Variants in GRM8 observed in about 807,000 individuals in gnomAD.
GRM8 encodes the protein metabotropic glutamate receptor 8.
In GRM8, 47 loss-of-function variants were observed where a neutral mutation model predicts 87.2. The observed-to-expected ratio is 0.54, with a 90% CI of 0.43 to 0.69. The LOEUF (loss-of-function observed/expected upper bound fraction) is 0.69, where lower values mean the gene tolerates loss of function less well. Among genes scored for constraint, GRM8 ranks in the 30% least tolerant of loss-of-function variants. The pLI, the probability that GRM8 is intolerant of heterozygous loss-of-function variation, is 0.00. For missense variants in GRM8, 1,019 were observed against 1,139.2 expected (o/e 0.89, Z 1.52); for synonymous variants, 396 against 404.5 (o/e 0.98, Z 0.25).
chr7:127,238,844 A>G (rs1798132286), intron 2 of GRM8, among the ~76,000 whole-genome samples: 1 of 152,226 alleles, frequency 6.6e-6, no homozygotes, highest in South Asian at 2.1e-4. Flanking sequence ...GTGGCTATCC[A>G]CTAAGTGCAG....
At chr7:126,515,474 A>G (rs932310606) in intron 9 of GRM8, among the ~76,000 whole-genome samples, 1 of 152,142 alleles carries the variant, frequency 6.6e-6, no homozygotes, top group African/African-American at 2.4e-5. Context: ...TATTGCTGTT[A>G]TAACAAAATT....
In GRM8 at chr7:126,533,575, C is replaced by G. The variant is rs966759053; in HGVS notation, c.1807G>C (p.Val603Leu). The G allele has an allele frequency of 1.2e-6, 2 of 1,613,938 alleles. No individual in the cohort carries two copies. The highest frequency in any genetic ancestry group is 2.7e-5 in the African/African-American group (2 of 74,908). The change falls in exon 9 of 11, where the codon GTG becomes CTG. Residue 603 changes from valine (V) to leucine (L), a missense_variant. Physicochemically the swap from Val to Leu is conservative, Grantham distance 32 (BLOSUM62 1). Coordinates refer to ENST00000339582, the MANE Select transcript of GRM8 (RefSeq NM_000845.3). ...GTGTCATTATAGCGGACAAAGGTCA[C>G]GATCACAAAGGTGGTGGCGATGATT... is the stretch of plus-strand genomic sequence containing the variant. ...LGIIATTFVIVTFVRYNDTPI... is the reference protein window; with the variant it reads ...LGIIATTFVILTFVRYNDTPI...
chr7:127,124,392 G>A (rs1287062428), intron 2 of GRM8, among the ~76,000 whole-genome samples: 3 of 151,952 alleles, frequency 2.0e-5, no homozygotes, highest in Admixed American at 1.3e-4. Flanking sequence ...ATTTTCCTTG[G>A]CTTCTACAAC....
intron 2 of GRM8, among the ~76,000 whole-genome samples, chr7:127,160,065 T>A (rs143792688): frequency 6.6e-6 from 1 of 152,232 alleles, no homozygotes; most frequent in East Asian, 1.9e-4. Context: ...ATAAGAAAAC[T>A]AGAAAATGGT....
chr7:126,525,162 G>A (rs905269609), intron 9 of GRM8, among the ~76,000 whole-genome samples: 1 of 152,124 alleles, frequency 6.6e-6, no homozygotes, highest in African/African-American at 2.4e-5. Context: ...ATGAACTTGT[G>A]AGTTTAGTGA....
At chr7:126,537,066 T>C (rs762914738) in intron 8 of GRM8, among the ~76,000 whole-genome samples, 15 of 152,178 alleles carry the variant, frequency 9.9e-5, no homozygotes, top group Admixed American at 3.3e-4. Context: ...TGTGAAATTT[T>C]CCTTGACAAT....
At chr7:126,961,035 C>A (rs114309181) in intron 3 of GRM8, among the ~76,000 whole-genome samples, 28 of 152,270 alleles carry the variant, frequency 1.8e-4, no homozygotes, top group African/African-American at 5.8e-4. Flanking sequence ...TCAAACAATT[C>A]TCCTTCTTCA....
At chr7:126,516,535 C>T (rs971835279) in intron 9 of GRM8, among the ~76,000 whole-genome samples, 4 of 152,014 alleles carry the variant, frequency 2.6e-5, no homozygotes, top group Non-Finnish European at 5.9e-5. Context: ...CAGAAAGAAG[C>T]ATGCTGCTAT....
chr7:126,793,520 T>C (rs1821597848), intron 6 of GRM8, among the ~76,000 whole-genome samples: 1 of 152,204 alleles, frequency 6.6e-6, no homozygotes, highest in Non-Finnish European at 1.5e-5. Context: ...TGTGAAGTCA[T>C]TGTGAAAACT....
chr7:127,049,376 C>A (rs1440741270), intron 3 of GRM8, among the ~76,000 whole-genome samples: 1 of 152,150 alleles, frequency 6.6e-6, no homozygotes, highest in East Asian at 1.9e-4. Context: ...CAAATTTGAT[C>A]TCCAGTTTAT....
chr7:127,058,201 A>C lies in GRM8; in HGVS notation c.727+48295T>G, dbSNP rs764401727. ...GGCATAATATCATCAAATTAAATTC[A>C]TCAGCACTCCCCACAGCCTGGCCCC... On this transcript the variant is annotated intron_variant, in intron 3 of 10. Transcript: ENST00000339582. The C allele has an allele frequency of 6.0e-6, 3 of 500,494 alleles. No individual in the cohort carries two copies. The East Asian group carries it at 1.8e-4, about 30-fold the overall frequency. 31.0% of individuals were successfully genotyped at this position (500,494 alleles called of 1,614,324 possible).
At chr7:127,056,544 G>A (rs1381164309) in intron 3 of GRM8, among the ~76,000 whole-genome samples, 1 of 152,160 alleles carries the variant, frequency 6.6e-6, no homozygotes, top group African/African-American at 2.4e-5. Context: ...TTATGCAGGT[G>A]GTCCTGGAGA....
intron 7 of GRM8, among the ~76,000 whole-genome samples, chr7:126,634,734 A>G (rs996508372): frequency 6.6e-6 from 1 of 152,066 alleles, no homozygotes; most frequent in African/African-American, 2.4e-5. Flanking sequence ...GATTACTAAT[A>G]TTATCAAATG....
intron 6 of GRM8, among the ~76,000 whole-genome samples, chr7:126,824,713 G>T (rs1007974592): frequency 6.6e-6 from 1 of 152,172 alleles, no homozygotes; most frequent in Non-Finnish European, 1.5e-5. Flanking sequence ...AGATACCAAT[G>T]GAAGTATCTT....
intron 3 of GRM8, among the ~76,000 whole-genome samples, chr7:126,996,696 A>G (rs1813209051): frequency 6.6e-6 from 1 of 152,108 alleles, no homozygotes; most frequent in Non-Finnish European, 1.5e-5. Flanking sequence ...AAGAAGAGAC[A>G]ACATTGTTAT....
intron 6 of GRM8, among the ~76,000 whole-genome samples, chr7:126,901,110 G>A (rs867716358): frequency 6.6e-6 from 1 of 152,030 alleles, no homozygotes; most frequent in African/African-American, 2.4e-5. Flanking sequence ...TTCCTCTCGC[G>A]ATATTCACTC....
chr7:126,664,886 A>G (rs193166453), intron 7 of GRM8, among the ~76,000 whole-genome samples: 3 of 152,238 alleles, frequency 2.0e-5, no homozygotes, highest in Admixed American at 2.0e-4. Context: ...TCTAATATCC[A>G]GAATCTATAA....
chr7:127,098,876 C>A (rs1824941294), intron 3 of GRM8, among the ~76,000 whole-genome samples: 1 of 152,082 alleles, frequency 6.6e-6, no homozygotes, highest in African/African-American at 2.4e-5. Flanking sequence ...CTTCAATAAG[C>A]CATTCATAAA....
intron 9 of GRM8, among the ~76,000 whole-genome samples, chr7:126,526,882 C>T (rs1813930814): frequency 6.6e-6 from 1 of 152,104 alleles, no homozygotes; most frequent in Non-Finnish European, 1.5e-5. Flanking sequence ...AATGAGGCCA[C>T]ATAAATGCTT....
Sources: allele counts gnomAD v4.1 joint callset (sites outside exome capture counted in the v4.1 genomes callset), GRCh38; gene constraint gnomAD v4.1.1; transcripts MANE v1.5; gene names NCBI Gene and HGNC (gene_info 2026-07-23, HGNC 2026-07-21).